Variants in EPB41L4A observed in about 807,000 individuals in gnomAD.
EPB41L4A encodes the protein erythrocyte membrane protein band 4.1 like 4A.
Under a neutral mutation model 108.6 loss-of-function variants are expected in EPB41L4A, and 100 were observed. That is an observed-to-expected ratio of 0.92 (90% CI 0.78 to 1.09). The LOEUF is 1.09. Ranked by LOEUF, EPB41L4A falls within the 50% of genes least tolerant of loss-of-function variation. The pLI is 0.00. For missense variants in EPB41L4A, 1,030 were observed against 842.7 expected (o/e 1.22, Z -2.75); for synonymous variants, 319 against 289.0 (o/e 1.10, Z -1.05).
At chr5:112,260,060 A>G in intron 7 of EPB41L4A, 81 bp from the exon 8 acceptor site, 1 of 1,006,370 alleles carries the variant, frequency 9.9e-7, no homozygotes, top group Non-Finnish European at 1.5e-6. Context: ...TACAAATATA[A>G]TTTGTTACAT....
At chr5:112,218,391 C>T (rs964984690) in intron 12 of EPB41L4A, among the ~76,000 whole-genome samples, 22 of 152,266 alleles carry the variant, frequency 1.4e-4, no homozygotes, top group Middle Eastern at 3.4e-3. Context: ...TCCTGTGATA[C>T]GAGTTTGAGG....
chr5:112,387,706 T>C (rs1760657321), intron 1 of EPB41L4A, among the ~76,000 whole-genome samples: 1 of 152,226 alleles, frequency 6.6e-6, no homozygotes, highest in Non-Finnish European at 1.5e-5. Flanking sequence ...TTTACAGCTA[T>C]CACAAGACCT....
At chr5:112,169,131 AAAC>A in intron 20 of EPB41L4A, 26 bp from the exon 21 acceptor site, 3 of 1,505,682 alleles carry the variant, frequency 2.0e-6, no homozygotes, top group Non-Finnish European at 2.8e-6. Context: ...AGAAACATGA[AAAC>A]AAACACCCAA....
chr5:112,293,367 T>TCCACCTCCCACCCTCCTCC (rs374968122), intron 2 of EPB41L4A, among the ~76,000 whole-genome samples: 30,806 of 151,970 alleles, frequency 0.2, 4,265 homozygotes, highest in African/African-American at 0.39. Context: ...TCTCCCTCCT[T>TCCACCTCCCACCCTCCTCC]TTAATTTAGT....
At chr5:112,293,128 A>T (rs1412374828) in intron 2 of EPB41L4A, among the ~76,000 whole-genome samples, 1 of 152,168 alleles carries the variant, frequency 6.6e-6, no homozygotes, top group East Asian at 1.9e-4. Flanking sequence ...ACATGTATGT[A>T]TATGTTGACA....
chr5:112,231,791 CAAAAAA>C (rs777370941), intron 12 of EPB41L4A, among the ~76,000 whole-genome samples: 3 of 37,624 alleles, frequency 8.0e-5, no homozygotes, highest in African/African-American at 2.4e-4. Context: ...GACTCCGTCT[CAAAAAA>C]AAAAAAAAAA....
downstream of EPB41L4A, chr5:112,161,874 C>T (rs997047158): frequency 7.6e-6 from 2 of 262,808 alleles, no homozygotes; most frequent in African/African-American, 4.5e-5. Flanking sequence ...GTGGTACATT[C>T]GTAGTGTTGC....
chr5:112,194,798 G>A, intron 16 of EPB41L4A, 153 bp from the exon 17 acceptor site: 1 of 503,694 alleles, frequency 2.0e-6, no homozygotes, highest in East Asian at 3.4e-5. Flanking sequence ...CCAAGTCAGT[G>A]TTTCTGAACT....
At chr5:112,286,677 A>T (rs1261205364) in intron 2 of EPB41L4A, among the ~76,000 whole-genome samples, 3 of 151,966 alleles carry the variant, frequency 2.0e-5, no homozygotes, top group African/African-American at 7.3e-5. Context: ...TCCCTTTCTC[A>T]TCTATTCAGG....
At chr5:112,240,370 T>C (rs1046832183) in intron 10 of EPB41L4A, among the ~76,000 whole-genome samples, 3 of 152,230 alleles carry the variant, frequency 2.0e-5, no homozygotes, top group African/African-American at 7.2e-5. Flanking sequence ...AGATGGCTGA[T>C]AGGCTTTTCA....
At chr5:112,181,013 A>G (rs1761117707) in intron 18 of EPB41L4A, among the ~76,000 whole-genome samples, 1 of 152,246 alleles carries the variant, frequency 6.6e-6, no homozygotes, top group Non-Finnish European at 1.5e-5. Context: ...TCTCTACTTC[A>G]TGCCTAGTAG....
At chr5:112,383,609 T>G (rs1760307457) in intron 1 of EPB41L4A, among the ~76,000 whole-genome samples, 1 of 152,178 alleles carries the variant, frequency 6.6e-6, no homozygotes, top group Admixed American at 6.5e-5. Context: ...ACAAGGGAAC[T>G]ACTAATAAAT....
chr5:112,382,815 T>C (rs1261414960), intron 1 of EPB41L4A, among the ~76,000 whole-genome samples: 2 of 152,296 alleles, frequency 1.3e-5, no homozygotes, highest in African/African-American at 2.4e-5. Context: ...TCTAACTCTT[T>C]CCACATTCCT....
At chr5:112,184,953 C>T (rs1471069861) in intron 17 of EPB41L4A, among the ~76,000 whole-genome samples, 1 of 152,114 alleles carries the variant, frequency 6.6e-6, no homozygotes, top group Non-Finnish European at 1.5e-5. Context: ...AACCCATGGA[C>T]CACACTCAAC....
At chr5:112,202,815 G>A (rs988576550) in intron 15 of EPB41L4A, among the ~76,000 whole-genome samples, 3 of 152,098 alleles carry the variant, frequency 2.0e-5, no homozygotes, top group South Asian at 4.1e-4. Context: ...CTAGGGCATA[G>A]GTGAAAGAAG....
intron 1 of EPB41L4A, among the ~76,000 whole-genome samples, chr5:112,397,814 G>T (rs972085120): frequency 2.0e-5 from 3 of 152,052 alleles, no homozygotes; most frequent in African/African-American, 7.2e-5. Context: ...AGAGAGTCAG[G>T]GACTAAGTAA....
In EPB41L4A at chr5:112,280,284, C is replaced by T; in HGVS notation, c.244G>A (p.Glu82Lys). The change falls in exon 3 of 23, where the codon GAA becomes AAA. Residue 82 changes from glutamate (E) to lysine (K), a missense_variant. Physicochemically the swap from Glu to Lys is moderately conservative, Grantham distance 56 (BLOSUM62 1). Transcript: ENST00000261486. ...GCTAAATACCTACTGTTGATCAGTT[C>T]TTTGTGTTCAGCAAGGGTTTTTGCA... ...DPAKTLAEHKELINTGPPYTL... is the reference protein window; with the variant it reads ...DPAKTLAEHKKLINTGPPYTL... 2 of 1,613,928 alleles carry T rather than the reference C, an allele frequency of 1.2e-6. No homozygotes were observed. Among genetic ancestry groups the T allele is most frequent in the Non-Finnish European group, 1.7e-6 (2 of 1,179,838 alleles).
intron 4 of EPB41L4A, among the ~76,000 whole-genome samples, chr5:112,266,577 C>T (rs376448721): frequency 6.6e-6 from 1 of 152,228 alleles, no homozygotes; most frequent in African/African-American, 2.4e-5. Context: ...CCAGCCCCAG[C>T]ATTCAGTACC....
Position 112,199,126 on chromosome 5 carries a change from T to G in EPB41L4A, c.1377-3418A>C, listed in dbSNP as rs548684070. 1.8e-4 allele frequency among the ~76,000 whole-genome samples: 27 copies of G among 152,310 alleles called. 1 individual carries two copies. The highest frequency in any genetic ancestry group is 6.5e-4 in the African/African-American group (27 of 41,568). ...ATTTCACTGGATGATCCTTTGAAAG[T>G]AAGTATATGTAAGTCTTTTCTCTTG... On this transcript the variant is annotated intron_variant, in intron 15 of 22. Transcript: ENST00000261486.
Sources: allele counts gnomAD v4.1 joint callset (sites outside exome capture counted in the v4.1 genomes callset), GRCh38; gene constraint gnomAD v4.1.1; transcripts MANE v1.5; gene names NCBI Gene and HGNC (gene_info 2026-07-23, HGNC 2026-07-21).